SLC38A12: variants seen among roughly 807,000 people sequenced by gnomAD.
SLC38A12 encodes solute carrier family 38 member 12, also known as putative sodium-coupled neutral amino acid transporter 12.
At chr17:74,783,538 A>C in the SLC38A12 span, among the ~76,000 whole-genome samples, 14 of 152,094 alleles carry the variant, frequency 9.2e-5, no homozygotes, top group African/African-American at 2.7e-4. Flanking sequence ...TGTGTCAGGT[A>C]TTCAGGTACT....
the SLC38A12 span, among the ~76,000 whole-genome samples, chr17:74,823,935 G>A: frequency 6.6e-6 from 1 of 152,270 alleles, no homozygotes; most frequent in East Asian, 1.9e-4. Flanking sequence ...GAATGGGGCC[G>A]TGTTGTTAGC....
the SLC38A12 span, among the ~76,000 whole-genome samples, chr17:74,779,654 C>T: frequency 6.6e-6 from 1 of 152,278 alleles, no homozygotes; most frequent in South Asian, 2.1e-4. Context: ...TCTGAGTTCC[C>T]CTGCAGGCCC....
chr17:74,792,732 T>A, the SLC38A12 span, among the ~76,000 whole-genome samples: 9 of 152,340 alleles, frequency 5.9e-5, no homozygotes, highest in East Asian at 1.7e-3. Context: ...GGCAGGGCGA[T>A]GTGATTATCA....
the SLC38A12 span, chr17:74,791,135 AC>A: frequency 1.9e-6 from 2 of 1,067,568 alleles, no homozygotes; most frequent in Non-Finnish European, 1.4e-6. Context: ...TGACAGCCAG[AC>A]CATGGGGCAG....
At chr17:74,788,796 A>G in the SLC38A12 span, 1 of 1,612,988 alleles carries the variant, frequency 6.2e-7, no homozygotes, top group Middle Eastern at 1.6e-4. Flanking sequence ...CAGCTTCGTG[A>G]CCACCACCTT....
the SLC38A12 span, among the ~76,000 whole-genome samples, chr17:74,790,729 C>G: frequency 6.6e-6 from 1 of 151,142 alleles, no homozygotes; most frequent in Non-Finnish European, 1.5e-5. Context: ...GCTCTGACGC[C>G]TGCTCTCCCT....
chr17:74,836,279 C>A, the SLC38A12 span: 1 of 1,612,072 alleles, frequency 6.2e-7, no homozygotes, highest in Non-Finnish European at 8.5e-7. This position sits in a 1 kb window ranked among gnomAD's most constrained non-coding sequence, Gnocchi z 4.2. Context: ...GCCTCTTCCC[C>A]GTCTTCACCA....
chr17:74,791,490 C>T, the SLC38A12 span, among the ~76,000 whole-genome samples: 2 of 152,240 alleles, frequency 1.3e-5, no homozygotes, highest in African/African-American at 4.8e-5. Flanking sequence ...TAAGCTTTTT[C>T]CTTTTCCTGC....
the SLC38A12 span, chr17:74,785,332 G>A: frequency 8.8e-7 from 1 of 1,136,132 alleles, no homozygotes; most frequent in Non-Finnish European, 1.2e-6. Context: ...TAGGCCCCAG[G>A]TGTAATTCTC....
At chr17:74,835,088 A>G in the SLC38A12 span, among the ~76,000 whole-genome samples, 1 of 152,200 alleles carries the variant, frequency 6.6e-6, no homozygotes, top group Non-Finnish European at 1.5e-5. Context: ...AACTGAAGCC[A>G]GCCTGGTCTC....
At chr17:74,777,552 T>C in the SLC38A12 span, 1 of 1,534,978 alleles carries the variant, frequency 6.5e-7, no homozygotes, top group South Asian at 1.2e-5. Flanking sequence ...GCTCAGAATG[T>C]AAGTCAGATT....
the SLC38A12 span, chr17:74,838,925 G>A: frequency 6.5e-7 from 1 of 1,535,760 alleles, no homozygotes; most frequent in Non-Finnish European, 8.7e-7. Context: ...AGCAGAAGAG[G>A]ATGCCAGCCC....
chr17:74,793,196 C>A, the SLC38A12 span, among the ~76,000 whole-genome samples: 1 of 152,176 alleles, frequency 6.6e-6, no homozygotes, highest in Non-Finnish European at 1.5e-5. Flanking sequence ...AAGCTCAGTC[C>A]TGTTGATGTT....
chr17:74,808,024 A>AT, the SLC38A12 span, among the ~76,000 whole-genome samples: 1 of 152,206 alleles, frequency 6.6e-6, no homozygotes, highest in Non-Finnish European at 1.5e-5. Context: ...TTTCCACAAT[A>AT]TTTATCTTCC....
chr17:74,832,564 G>T, the SLC38A12 span, among the ~76,000 whole-genome samples: 2 of 152,204 alleles, frequency 1.3e-5, no homozygotes, highest in Non-Finnish European at 2.9e-5. Flanking sequence ...GTGTGTGAGC[G>T]CCCTGAGTGC....
chr17:74,799,716 G>A, the SLC38A12 span, among the ~76,000 whole-genome samples: 12 of 152,114 alleles, frequency 7.9e-5, no homozygotes, highest in South Asian at 1.7e-3. Flanking sequence ...GTTTTTTCTC[G>A]CTCTGCCAGG....
At chr17:74,800,190 C>G in the SLC38A12 span, among the ~76,000 whole-genome samples, 1 of 152,368 alleles carries the variant, frequency 6.6e-6, no homozygotes, top group Non-Finnish European at 1.5e-5. Flanking sequence ...CGGTGGCCCC[C>G]ACTGCCATGT....
At chr17:74,836,361 G>A in the SLC38A12 span, 2 of 1,612,578 alleles carry the variant, frequency 1.2e-6, no homozygotes, top group African/African-American at 1.3e-5. The surrounding 1 kb of genome is among the most constrained non-coding windows in gnomAD (Gnocchi z 4.2). Context: ...CCGCGAGGGC[G>A]GCACGTACCC....
chr17:74,787,289 CAG>C, the SLC38A12 span, among the ~76,000 whole-genome samples: 868 of 151,480 alleles, frequency 5.7e-3, 16 homozygotes, highest in African/African-American at 0.02. Context: ...CAGGGAGAGG[CAG>C]GGGTGAGTCT....
Sources: gnomAD v4.1 joint callset for allele counts (sites outside exome capture counted in the v4.1 genomes callset) on GRCh38, gnomAD v4.1.1 for gene constraint, Gnocchi (gnomAD v3.1) non-coding constraint, MANE v1.5 for transcripts, NCBI Gene and HGNC (gene_info 2026-07-23, HGNC 2026-07-21) for gene names.